LINGO2: variants seen among roughly 807,000 people sequenced by gnomAD.
LINGO2 encodes the protein leucine-rich repeat and immunoglobulin-like domain-containing nogo receptor-interacting protein 2.
A neutral mutation model predicts 30.6 loss-of-function variants in LINGO2; 14 were observed. That is an observed-to-expected ratio of 0.46 (90% CI 0.30 to 0.72). The LOEUF (loss-of-function observed/expected upper bound fraction) is 0.72, where lower values mean the gene tolerates loss of function less well. Ranked by LOEUF, LINGO2 falls within the 30% of genes least tolerant of loss-of-function variation. The probability of loss-of-function intolerance (pLI) is 0.07; values close to 1 mark genes in which losing one functional copy is unlikely to be tolerated. For synonymous variants in LINGO2, 317 were observed against 288.5 expected (o/e 1.10, Z -1.00); for missense variants, 729 against 751.7 (o/e 0.97, Z 0.35).
At chr9:28,608,028 A>G (rs1476638365) in intron 1 of LINGO2, among the ~76,000 whole-genome samples, 2 of 152,070 alleles carry the variant, frequency 1.3e-5, no homozygotes, top group African/African-American at 4.8e-5. Flanking sequence ...TATGTTTCCA[A>G]TTTATGATCT....
intron 4 of LINGO2, among the ~76,000 whole-genome samples, chr9:28,168,156 G>C (rs1217738608): frequency 6.6e-6 from 1 of 152,198 alleles, no homozygotes; most frequent in Admixed American, 6.5e-5. Context: ...AGCAGGGAGT[G>C]TGGTGATAAC....
intron 1 of LINGO2, among the ~76,000 whole-genome samples, chr9:28,501,922 A>G (rs77466270): frequency 2.0e-5 from 3 of 152,256 alleles, no homozygotes; most frequent in Non-Finnish European, 2.9e-5. Flanking sequence ...AACACAAATT[A>G]AAGTGAGGCA....
At chr9:28,253,278 A>C (rs1180938972) in intron 4 of LINGO2, among the ~76,000 whole-genome samples, 1 of 152,134 alleles carries the variant, frequency 6.6e-6, no homozygotes, top group African/African-American at 2.4e-5. Flanking sequence ...CCAATGGGAA[A>C]GTCCATCAAC....
the LINGO2 span, among the ~76,000 whole-genome samples, chr9:28,902,579 T>A: frequency 6.6e-6 from 1 of 152,124 alleles, no homozygotes; most frequent in African/African-American, 2.4e-5. Flanking sequence ...AGCAGCAGAA[T>A]AAATGTTCTT....
chr9:28,397,184 ATAACTCCTAC>A (rs1196103619), intron 2 of LINGO2, among the ~76,000 whole-genome samples: 4 of 152,186 alleles, frequency 2.6e-5, no homozygotes, highest in Non-Finnish European at 4.4e-5. Flanking sequence ...GATAATATGT[ATAACTCCTAC>A]TAACTCCTAT....
chr9:29,050,695 C>T, the LINGO2 span, among the ~76,000 whole-genome samples: 1 of 152,172 alleles, frequency 6.6e-6, no homozygotes, highest in Non-Finnish European at 1.5e-5. Context: ...TTACAAAAAT[C>T]ATTAGCTAGT....
At chr9:28,361,492 A>G (rs1403595725) in intron 3 of LINGO2, among the ~76,000 whole-genome samples, 1 of 151,980 alleles carries the variant, frequency 6.6e-6, no homozygotes. Context: ...TTTTCATCTT[A>G]TTCTATCCTA....
chr9:28,549,892 T>G (rs1449707396), intron 1 of LINGO2, among the ~76,000 whole-genome samples: 1 of 151,838 alleles, frequency 6.6e-6, no homozygotes, highest in East Asian at 1.9e-4. Flanking sequence ...TTTTTGATAA[T>G]AATTTAACAG....
At chr9:28,314,918 G>A (rs1220631704) in intron 3 of LINGO2, among the ~76,000 whole-genome samples, 1 of 151,252 alleles carries the variant, frequency 6.6e-6, no homozygotes, top group Non-Finnish European at 1.5e-5. Flanking sequence ...CCGGGAGGCG[G>A]AGCTTGCAGT....
At chr9:28,803,965 T>G in the LINGO2 span, among the ~76,000 whole-genome samples, 1 of 152,150 alleles carries the variant, frequency 6.6e-6, no homozygotes, top group African/African-American at 2.4e-5. Flanking sequence ...GAATCCATGA[T>G]TTCTCTCATC....
the LINGO2 span, among the ~76,000 whole-genome samples, chr9:28,766,844 G>C: frequency 2.0e-5 from 3 of 151,410 alleles, no homozygotes; most frequent in African/African-American, 4.9e-5. Context: ...GAGAAAGAGA[G>C]AGAGAGAGAA....
At chr9:28,154,313 G>T (rs758267392) in intron 4 of LINGO2, among the ~76,000 whole-genome samples, 1 of 152,172 alleles carries the variant, frequency 6.6e-6, no homozygotes, top group South Asian at 2.1e-4. Context: ...ATATTAAGAC[G>T]TTTTCCTACT....
chr9:28,629,299 T>A (rs1826824547), intron 1 of LINGO2, among the ~76,000 whole-genome samples: 3 of 152,100 alleles, frequency 2.0e-5, no homozygotes, highest in African/African-American at 7.2e-5. Context: ...AGAGAATGTA[T>A]TATAAACTGT....
At chr9:28,852,244 A>G in the LINGO2 span, among the ~76,000 whole-genome samples, 1 of 151,988 alleles carries the variant, frequency 6.6e-6, no homozygotes, top group Non-Finnish European at 1.5e-5. Flanking sequence ...CAGGATAAAA[A>G]TGGTATAGAT....
chr9:28,761,727 CT>C, the LINGO2 span, among the ~76,000 whole-genome samples: 1 of 152,056 alleles, frequency 6.6e-6, no homozygotes, highest in Admixed American at 6.5e-5. Context: ...ACATTAAAGA[CT>C]TAATTCCCAT....
chr9:28,641,800 A>C (rs1340254895), intron 1 of LINGO2, among the ~76,000 whole-genome samples: 1 of 152,184 alleles, frequency 6.6e-6, no homozygotes, highest in African/African-American at 2.4e-5. Context: ...AGTCATTGGC[A>C]GTGGAGAGAA....
chr9:28,728,908 AG>A, the LINGO2 span, among the ~76,000 whole-genome samples: 1 of 152,128 alleles, frequency 6.6e-6, no homozygotes, highest in African/African-American at 2.4e-5. Flanking sequence ...GCTATAACCC[AG>A]GGAGGATGGC....
In LINGO2 at chr9:28,469,271, G is replaced by GA. The variant is rs1205998317; in HGVS notation, c.-279+6668dup. Among the ~76,000 whole-genome samples, 848 of 127,896 alleles carry GA rather than the reference G, an allele frequency of 6.6e-3. 4 individuals are homozygous for GA. Among genetic ancestry groups the GA allele is most frequent in the Non-Finnish European group, 8.6e-3 (502 of 58,580 alleles). The allele number at this position is 127,896 out of a possible 152,430, so 83.9% of individuals were successfully genotyped here. On this transcript the variant is annotated intron_variant, in intron 2 of 5. Coordinates refer to ENST00000379992, the Ensembl canonical transcript of LINGO2. ...AACTATTAAGTCTGAAGAGTAAAAA[G>GA]AAAAAAAAAAAGAGTAAAGAAAAGT...
At chr9:28,988,819 C>A in the LINGO2 span, among the ~76,000 whole-genome samples, 1 of 152,298 alleles carries the variant, frequency 6.6e-6, no homozygotes, top group East Asian at 1.9e-4. Context: ...GTTGAAGTGA[C>A]ACCATTCTTC....
Sources: allele counts gnomAD v4.1 joint callset (sites outside exome capture counted in the v4.1 genomes callset), GRCh38; gene constraint gnomAD v4.1.1; transcripts MANE v1.5; gene names NCBI Gene and HGNC (gene_info 2026-07-23, HGNC 2026-07-21).